STX4: variants seen among roughly 807,000 people sequenced by gnomAD.
The protein encoded by STX4 is syntaxin 4.
In STX4, 24 loss-of-function variants were observed where a neutral mutation model predicts 41.8. That is an observed-to-expected ratio of 0.57 (90% CI 0.42 to 0.81). STX4 has a LOEUF of 0.81. STX4 is among the 30% of genes least tolerant of loss of function. The pLI, the probability that STX4 is intolerant of heterozygous loss-of-function variation, is 0.00. For synonymous variants in STX4, 158 were observed against 156.4 expected (o/e 1.01, Z -0.08); for missense variants, 316 against 389.9 (o/e 0.81, Z 1.60).
chr16:31,037,875 A>G (rs1394023255), intron 5 of STX4, 51 bp from the exon 6 acceptor site: 1 of 1,604,484 alleles, frequency 6.2e-7, no homozygotes, highest in South Asian at 1.1e-5. Flanking sequence ...CGAGGCACCG[A>G]CCGGGCAGGG....
At chr16:31,037,542 C>G (rs2056810112) in intron 5 of STX4, among the ~76,000 whole-genome samples, 1 of 151,262 alleles carries the variant, frequency 6.6e-6, no homozygotes, top group Non-Finnish European at 1.5e-5. Context: ...TGCCTGTAGT[C>G]CCAGCTACTC....
Position 31,034,412 on chromosome 16 carries a change from TTGTTGAGG to T in STX4, c.233-47_233-40del, listed in dbSNP as rs765558954. The T allele has an allele frequency of 1.9e-6, 3 of 1,603,452 alleles. No homozygotes were observed. In the African/African-American group the frequency reaches 4.0e-5, roughly 21 times the overall value. On this transcript the variant is annotated intron_variant, in intron 3 of 10. Coordinates refer to ENST00000313843, the MANE Select transcript of STX4 (RefSeq NM_004604.5). Reference sequence around the variant, plus strand: ...CCACGCAGGTGGTGGCCAGAGTGGTTTGTTGAGGTGGGGGCTGCTGTTTGGGAGTCTTG... The same window carrying T: ...CCACGCAGGTGGTGGCCAGAGTGGTTTGGGGGCTGCTGTTTGGGAGTCTTG...
At position 31,033,962 on chromosome 16, in the gene STX4, G is replaced by T. The variant is rs757371295; in HGVS notation, c.31-51G>T. On this transcript the variant is annotated intron_variant, in intron 1 of 10. Transcript: ENST00000313843. This position sits in a 1 kb window ranked among gnomAD's most constrained non-coding sequence, Gnocchi z 5.5. Reference sequence around the variant, plus strand: ...AGTCCCGGAAGCCTGTGGGTCCTGCGGGGTAAGAGCCGCAGCGAAACGGTG... The same window carrying T: ...AGTCCCGGAAGCCTGTGGGTCCTGCTGGGTAAGAGCCGCAGCGAAACGGTG... 4 of 1,507,012 alleles carry T rather than the reference G, an allele frequency of 2.7e-6. 1 individual carries two copies. The South Asian group carries it at 5.1e-5, about 19-fold the overall frequency. The allele number at this position is 1,507,012 out of a possible 1,614,324, so 93.4% of individuals were successfully genotyped here.
In STX4 at chr16:31,038,325, C is replaced by T. The variant is rs537854545; in HGVS notation, c.564+135C>T. ...TAGCTGGGACTATAGGTGCAAGCCA[C>T]TGCACCCCGCTTGCTGTGGCCCTTT... On this transcript the variant is annotated intron_variant, in intron 7 of 10. Transcript: ENST00000313843. 4 of 1,317,712 alleles carry T rather than the reference C, an allele frequency of 3.0e-6. No individual in the cohort carries two copies. The East Asian group carries it at 7.3e-5, about 24-fold the overall frequency. The allele number at this position is 1,317,712 out of a possible 1,614,324, so 81.6% of individuals were successfully genotyped here.
intron 4 of STX4, 133 bp downstream of exon 4, chr16:31,034,669 C>T (rs545681028): frequency 1.9e-6 from 2 of 1,035,294 alleles, no homozygotes; most frequent in South Asian, 1.8e-5. Flanking sequence ...TAGCATCTGT[C>T]TCCTGGCCTC....
intron 5 of STX4, among the ~76,000 whole-genome samples, 194 bp downstream of exon 5, chr16:31,035,234 G>A (rs572514455): frequency 3.3e-5 from 5 of 152,192 alleles, no homozygotes; most frequent in African/African-American, 9.7e-5. Context: ...TGCTCAGTCC[G>A]GTTATAACAC....
chr16:31,033,683 C>T lies in STX4; in HGVS notation c.-123C>T. ...GTGCAAGGGACGGAGCCTCTGGCGG[C>T]TCGTGGGGGTGTTGGGGTCCGCAGG... On this transcript the variant is annotated 5_prime_UTR_variant, in exon 1 of 11. Transcript: ENST00000313843. The surrounding 1 kb of genome is among the most constrained non-coding windows in gnomAD (Gnocchi z 5.5). 1 of 1,443,586 alleles carries T rather than the reference C, an allele frequency of 6.9e-7. No individual in the cohort carries two copies. The highest frequency in any genetic ancestry group is 9.1e-7 in the Non-Finnish European group (1 of 1,100,840). 89.4% of individuals were successfully genotyped at this position (1,443,586 alleles called of 1,614,324 possible).
At position 31,039,873 on chromosome 16, in the gene STX4, C is replaced by T; in HGVS notation, c.*16-39C>T. 1.9e-6 allele frequency: 3 copies of T among 1,550,940 alleles called. No individual in the cohort carries two copies. Among genetic ancestry groups the T allele is most frequent in the South Asian group, 2.2e-5 (2 of 89,334 alleles). ...GCCCCAGCCCTGGCCCCAGCCCTCC[C>T]TCCTCCCTCAGACCCTGTTCTCCCT... On this transcript the variant is annotated intron_variant, in intron 10 of 10. Coordinates refer to ENST00000313843, the MANE Select transcript of STX4 (RefSeq NM_004604.5). This position sits in a 1 kb window ranked among gnomAD's most constrained non-coding sequence, Gnocchi z 4.1.
At chr16:31,037,292 G>T (rs2056808154) in intron 5 of STX4, among the ~76,000 whole-genome samples, 1 of 151,266 alleles carries the variant, frequency 6.6e-6, no homozygotes, top group Non-Finnish European at 1.5e-5. Context: ...TTGACCTCCT[G>T]ACCTCAGGTG....
At chr16:31,036,516 T>C (rs1477739418) in intron 5 of STX4, among the ~76,000 whole-genome samples, 3 of 152,134 alleles carry the variant, frequency 2.0e-5, no homozygotes, top group Non-Finnish European at 4.4e-5. Flanking sequence ...ACATATTGGG[T>C]GCCTACTGTG....
chr16:31,038,748 A>G, intron 8 of STX4, 101 bp downstream of exon 8: 10 of 1,477,648 alleles, frequency 6.8e-6, no homozygotes, highest in Non-Finnish European at 9.1e-6. Context: ...TGTGTCTTCC[A>G]GGTTTGGCCA....
Position 31,034,222 on chromosome 16 carries a change from C to T in STX4, c.133-4C>T, listed in dbSNP as rs777522114. The T allele has an allele frequency of 6.2e-7, 1 of 1,614,146 alleles. No homozygotes were observed. Among genetic ancestry groups the T allele is most frequent in the Admixed American group, 1.7e-5 (1 of 59,994 alleles). ...CTTTCAGCCCTCTCGGTCACCCTCC[C>T]CAGGTCCGGACAATTCGGCAGACTA... On this transcript the variant is annotated splice_region_variant and splice_polypyrimidine_tract_variant and intron_variant, in intron 2 of 10. Coordinates refer to ENST00000313843, the MANE Select transcript of STX4 (RefSeq NM_004604.5).
intron 5 of STX4, 119 bp from the exon 6 acceptor site, chr16:31,037,807 A>T: frequency 2.1e-6 from 2 of 939,748 alleles, no homozygotes; most frequent in Non-Finnish European, 3.3e-6. Context: ...CAAGGTGGTT[A>T]AGGTGGCAGA....
chr16:31,034,145 C>G (rs1281729083), intron 2 of STX4, 31 bp downstream of exon 2: 2 of 1,607,974 alleles, frequency 1.2e-6, no homozygotes. Context: ...CCTGGATTCG[C>G]GAGGGTGTAG....
chr16:31,037,063 CCT>C (rs1555496657), intron 5 of STX4, among the ~76,000 whole-genome samples: 1 of 145,064 alleles, frequency 6.9e-6, no homozygotes, highest in African/African-American at 2.5e-5. Flanking sequence ...GACCCCCCCC[CCT>C]TTTTTTTTTT....
chr16:31,036,752 T>C (rs1229614452), intron 5 of STX4, among the ~76,000 whole-genome samples: 3 of 152,076 alleles, frequency 2.0e-5, no homozygotes, highest in African/African-American at 7.2e-5. Context: ...GAAGGTAACA[T>C]CTGAACAAGA....
In STX4 at chr16:31,039,057, C is replaced by T; in HGVS notation, c.702+410C>T. 4.1e-6 allele frequency: 1 copy of T among 241,198 alleles called. No individual in the cohort carries two copies. Among genetic ancestry groups the T allele is most frequent in the Non-Finnish European group, 8.2e-6 (1 of 121,224 alleles). The allele number at this position is 241,198 out of a possible 1,614,324, so 14.9% of individuals were successfully genotyped here. On this transcript the variant is annotated intron_variant, in intron 8 of 10. Transcript: ENST00000313843. The surrounding 1 kb of genome is among the most constrained non-coding windows in gnomAD (Gnocchi z 4.1). ...TTGTGAGTTGAGTTGAGCTTCCAGC[C>T]CTGTCCTGGAGGAGCTGGCCTCAGT... is the stretch of plus-strand genomic sequence containing the variant.
In STX4 at chr16:31,033,861, G is replaced by A; in HGVS notation, c.30+26G>A. ...GTGAGACGCCAGGGCAGCGGGGATG[G>A]GGACGGGCGGACGAACTGGAACGCA... On this transcript the variant is annotated intron_variant, in intron 1 of 10. Coordinates refer to ENST00000313843, the MANE Select transcript of STX4 (RefSeq NM_004604.5). This position sits in a 1 kb window ranked among gnomAD's most constrained non-coding sequence, Gnocchi z 5.5. 2 of 1,453,524 alleles carry A rather than the reference G, an allele frequency of 1.4e-6. No individual in the cohort carries two copies. Among genetic ancestry groups the A allele is most frequent in the East Asian group, 2.5e-5 (1 of 40,000 alleles). 90.0% of individuals were successfully genotyped at this position (1,453,524 alleles called of 1,614,324 possible).
Position 31,033,839 on chromosome 16 carries a change from AG to A in STX4, c.30+5del, listed in dbSNP as rs2056775603. On this transcript the variant is annotated splice_donor_5th_base_variant and intron_variant, in intron 1 of 10. Coordinates refer to ENST00000313843, the MANE Select transcript of STX4 (RefSeq NM_004604.5). This position sits in a 1 kb window ranked among gnomAD's most constrained non-coding sequence, Gnocchi z 5.5. ...CAGGACCCACGAGCTGAGACAGGTGAGACGCCAGGGCAGCGGGGATGGGGAC... is the reference window on the plus strand; with the variant it reads ...CAGGACCCACGAGCTGAGACAGGTGAACGCCAGGGCAGCGGGGATGGGGAC... 6.9e-7 allele frequency: 1 copy of A among 1,452,798 alleles called. No individual in the cohort carries two copies. Among genetic ancestry groups the A allele is most frequent in the African/African-American group, 1.4e-5 (1 of 70,052 alleles). 90.0% of individuals were successfully genotyped at this position (1,452,798 alleles called of 1,614,324 possible). A position where few individuals can be genotyped will look rare whatever the true frequency, so the allele number is the denominator to read the frequency against.
Sources: gnomAD v4.1 joint callset for allele counts (sites outside exome capture counted in the v4.1 genomes callset) on GRCh38, gnomAD v4.1.1 for gene constraint, Gnocchi (gnomAD v3.1) non-coding constraint, MANE v1.5 for transcripts, NCBI Gene and HGNC (gene_info 2026-07-23, HGNC 2026-07-21) for gene names.